The following BAZ2B variants were observed in gnomAD, a reference collection of about 807,000 sequenced individuals.
The protein encoded by BAZ2B is bromodomain adjacent to zinc finger domain 2B, also known as bromodomain adjacent to zinc finger domain protein 2B.
A neutral mutation model predicts 246.0 loss-of-function variants in BAZ2B; 91 were observed. That is an observed-to-expected ratio of 0.37 (90% confidence interval 0.31 to 0.44). BAZ2B has a LOEUF of 0.44. Among genes scored for constraint, BAZ2B ranks in the 20% least tolerant of loss-of-function variants. The pLI, the probability that BAZ2B is intolerant of heterozygous loss-of-function variation, is 1.00. For synonymous variants in BAZ2B, 855 were observed against 860.0 expected (o/e 0.99, Z 0.10); for missense variants, 2,332 against 2,533.7 (o/e 0.92, Z 1.71).
At chr2:159,483,031 G>A (rs2079414305) in intron 2 of BAZ2B, among the ~76,000 whole-genome samples, 1 of 151,906 alleles carries the variant, frequency 6.6e-6, no homozygotes, top group East Asian at 1.9e-4. Context: ...AAATGATCAC[G>A]AACTAACCCA....
At chr2:159,535,475 T>C (rs1329951676) in intron 2 of BAZ2B, among the ~76,000 whole-genome samples, 1 of 152,208 alleles carries the variant, frequency 6.6e-6, no homozygotes, top group East Asian at 1.9e-4. Context: ...TGAGCCAAGA[T>C]TGCGCCATTG....
At chr2:159,316,689 CAAAAAAAAAAAAAAA>C (rs765748671), downstream of BAZ2B, among the ~76,000 whole-genome samples, 1 of 36,244 alleles carries the variant, frequency 2.8e-5, no homozygotes, top group South Asian at 1.5e-3. Context: ...GACTCCATCT[CAAAAAAAAAAAAAAA>C]AAAAAAAAAA....
intron 2 of BAZ2B, among the ~76,000 whole-genome samples, chr2:159,501,459 G>A (rs2081832403): frequency 6.7e-6 from 1 of 149,678 alleles, no homozygotes; most frequent in African/African-American, 2.5e-5. Context: ...AACATTCAAT[G>A]GTTAAACACA....
At chr2:159,331,486 G>GC (rs1358575916) in intron 34 of BAZ2B, among the ~76,000 whole-genome samples, 1 of 152,280 alleles carries the variant, frequency 6.6e-6, no homozygotes, top group African/African-American at 2.4e-5. Flanking sequence ...TCCTGCCTGA[G>GC]CCCCCCAAAT....
intron 3 of BAZ2B, among the ~76,000 whole-genome samples, chr2:159,468,000 G>T (rs2077293995): frequency 6.6e-6 from 1 of 152,158 alleles, no homozygotes; most frequent in Non-Finnish European, 1.5e-5. Context: ...GGGAAATCTT[G>T]GTAGTGAGCA....
chr2:159,674,586 C>A, the BAZ2B span, among the ~76,000 whole-genome samples: 1 of 151,234 alleles, frequency 6.6e-6, no homozygotes, highest in African/African-American at 2.4e-5. Flanking sequence ...TGTGGTGGCA[C>A]GCATCTGTAA....
intron 2 of BAZ2B, among the ~76,000 whole-genome samples, chr2:159,541,948 T>C (rs2086709593): frequency 6.6e-6 from 1 of 152,014 alleles, no homozygotes; most frequent in Non-Finnish European, 1.5e-5. Flanking sequence ...AAACAATGTA[T>C]GAACAAAATG....
At chr2:159,332,720 C>T in intron 33 of BAZ2B, 34 bp from the exon 34 acceptor site, 1 of 1,608,260 alleles carries the variant, frequency 6.2e-7, no homozygotes, top group Non-Finnish European at 8.5e-7. Context: ...AAAATTAACG[C>T]TCTGCCATGA....
chr2:159,694,771 T>C, the BAZ2B span: 5 of 152,262 alleles, frequency 3.3e-5, no homozygotes. Context: ...TTTTGACTAC[T>C]ATGACATGAA....
At chr2:159,392,886 C>A (rs976325225) in intron 20 of BAZ2B, among the ~76,000 whole-genome samples, 1 of 152,098 alleles carries the variant, frequency 6.6e-6, no homozygotes, top group Non-Finnish European at 1.5e-5. Flanking sequence ...AACATAATTG[C>A]TATCTTCCAT....
At chr2:159,529,552 AT>A (rs1187035577) in intron 2 of BAZ2B, among the ~76,000 whole-genome samples, 1 of 152,158 alleles carries the variant, frequency 6.6e-6, no homozygotes, top group Non-Finnish European at 1.5e-5. Context: ...CAAAACTGTC[AT>A]CTTATTGGAG....
intron 1 of BAZ2B, among the ~76,000 whole-genome samples, chr2:159,565,510 G>A (rs1449267626): frequency 2.6e-5 from 4 of 152,274 alleles, no homozygotes; most frequent in Non-Finnish European, 4.4e-5. Flanking sequence ...CAGGCGTGGT[G>A]GCTCACACCT....
At chr2:159,377,661 A>ATGACACATCTCCTTTAAAACTTT (rs2061544051) in intron 25 of BAZ2B, among the ~76,000 whole-genome samples, 1 of 151,966 alleles carries the variant, frequency 6.6e-6, no homozygotes, top group Non-Finnish European at 1.5e-5. Context: ...AAAAATACAA[A>ATGACACATCTCCTTTAAAACTTT]AATTAGCTGG....
the BAZ2B span, among the ~76,000 whole-genome samples, chr2:159,672,342 G>A: frequency 6.6e-6 from 1 of 152,164 alleles, no homozygotes; most frequent in Non-Finnish European, 1.5e-5. Flanking sequence ...CACACAAATT[G>A]TAAAGTTTTA....
chr2:159,422,495 G>A (rs1047839009), intron 13 of BAZ2B, among the ~76,000 whole-genome samples: 6 of 152,102 alleles, frequency 3.9e-5, no homozygotes, highest in Non-Finnish European at 8.8e-5. Flanking sequence ...AATGGAGAAA[G>A]AAATCCCCTA....
intron 1 of BAZ2B, 109 bp from the exon 2 acceptor site, chr2:159,555,974 T>C (rs912634785): frequency 6.6e-6 from 1 of 152,228 alleles, no homozygotes; most frequent in Admixed American, 6.5e-5. Flanking sequence ...GTAAGTCATA[T>C]TGAAATTAAC....
chr2:159,490,273 GTTACAC>G (rs1263522049), intron 2 of BAZ2B, among the ~76,000 whole-genome samples: 8 of 151,858 alleles, frequency 5.3e-5, no homozygotes, highest in Non-Finnish European at 1.0e-4. Flanking sequence ...ATCTCCCCTT[GTTACAC>G]TTTTCAATCC....
At chr2:159,475,158 G>T (rs2078355643) in intron 3 of BAZ2B, among the ~76,000 whole-genome samples, 1 of 152,094 alleles carries the variant, frequency 6.6e-6, no homozygotes, top group African/African-American at 2.4e-5. Context: ...TTTCCAACTT[G>T]GTTCCGTTCT....
intron 17 of BAZ2B, among the ~76,000 whole-genome samples, chr2:159,399,162 A>C (rs2149716680): frequency 6.6e-6 from 1 of 152,116 alleles, no homozygotes; most frequent in East Asian, 1.9e-4. Flanking sequence ...GTTAAGTCTG[A>C]AATAATTGAG....
Sources: allele counts gnomAD v4.1 joint callset (sites outside exome capture counted in the v4.1 genomes callset), GRCh38; gene constraint gnomAD v4.1.1; transcripts MANE v1.5; gene names NCBI Gene and HGNC (gene_info 2026-07-23, HGNC 2026-07-21).